Variants in MCFD2 observed in about 807,000 individuals in gnomAD.
MCFD2 encodes the protein multiple coagulation factor deficiency protein 2.
In MCFD2, 11 loss-of-function variants were observed where a neutral mutation model predicts 12.8. The ratio of observed to expected loss-of-function variants is 0.86; its 90% CI spans 0.54 to 1.42. The LOEUF is 1.42. Ranked by LOEUF, MCFD2 falls within the 40% of genes most tolerant of loss-of-function variation. MCFD2 has a pLI of 0.00. For missense variants in MCFD2, 191 were observed against 178.6 expected (o/e 1.07, Z -0.40); for synonymous variants, 70 against 68.1 (o/e 1.03, Z -0.14).
rs573324362 is a variant in MCFD2, at chr2:46,903,915, A to G, written c.*1548T>C. On this transcript the variant is annotated 3_prime_UTR_variant, in exon 4 of 4. Coordinates refer to ENST00000319466, the MANE Select transcript of MCFD2 (RefSeq NM_139279.6). ...ATAAGTAGCAAGGAGCCTAATGTTA[A>G]TCCCCAACACCATGGGGAAAATGTC... The G allele has an allele frequency of 6.6e-6, 1 of 152,270 alleles. No homozygotes were observed. Among genetic ancestry groups the G allele is most frequent in the Admixed American group, 6.5e-5 (1 of 15,302 alleles). 9.4% of individuals were successfully genotyped at this position (152,270 alleles called of 1,614,324 possible).
upstream of MCFD2, chr2:46,916,324 C>T (rs958188706): frequency 3.2e-6 from 1 of 308,816 alleles, no homozygotes; most frequent in Non-Finnish European, 4.7e-6. Flanking sequence ...CTGCCAGCTC[C>T]ACTGCACAAG....
At chr2:46,928,994 C>G (rs1362984370) in intron 1 of MCFD2, among the ~76,000 whole-genome samples, 1 of 151,546 alleles carries the variant, frequency 6.6e-6, no homozygotes, top group Non-Finnish European at 1.5e-5. Flanking sequence ...AAAACTCTGT[C>G]TCTACTAAAA....
chr2:46,909,464 A>G (rs1467414324), intron 1 of MCFD2, among the ~76,000 whole-genome samples: 1 of 151,748 alleles, frequency 6.6e-6, no homozygotes, highest in Non-Finnish European at 1.5e-5. Flanking sequence ...CTTGCCTCCC[A>G]GAAGTTATGG....
upstream of MCFD2, among the ~76,000 whole-genome samples, chr2:46,918,190 C>T (rs1253606622): frequency 6.6e-6 from 1 of 152,182 alleles, no homozygotes; most frequent in Non-Finnish European, 1.5e-5. Flanking sequence ...AAACCTGCAC[C>T]TCTCTCAGTC....
chr2:46,922,818 A>G (rs1483058604), intron 1 of MCFD2, among the ~76,000 whole-genome samples: 2 of 152,108 alleles, frequency 1.3e-5, no homozygotes, highest in African/African-American at 2.4e-5. Flanking sequence ...ATTCAATTCA[A>G]TTCTGATGCC....
chr2:46,920,780 A>T (rs1345205305), upstream of MCFD2, among the ~76,000 whole-genome samples: 1 of 152,082 alleles, frequency 6.6e-6, no homozygotes, highest in Non-Finnish European at 1.5e-5. Context: ...GATGAATTTT[A>T]TGTGGCAAAC....
In MCFD2 at chr2:46,908,870, T is replaced by C. The variant is rs748865416; in HGVS notation, c.149+153A>G. ...TGATGAAAAAAGAATACCTGACTTA[T>C]AGGTGGCAATAAGGAATAAGAATCA... On this transcript the variant is annotated intron_variant, in intron 2 of 3. Coordinates refer to ENST00000319466, the MANE Select transcript of MCFD2 (RefSeq NM_139279.6). The surrounding 1 kb of genome is among the most constrained non-coding windows in gnomAD (Gnocchi z 4.5). 37 of 987,384 alleles carry C rather than the reference T, an allele frequency of 3.7e-5. 1 individual carries two copies. Among genetic ancestry groups the C allele is most frequent in the Non-Finnish European group, 5.5e-5 (35 of 634,422 alleles). The allele number at this position is 987,384 out of a possible 1,614,324, so 61.2% of individuals were successfully genotyped here.
chr2:46,916,346 G>A (rs1668789182), upstream of MCFD2: 1 of 207,212 alleles, frequency 4.8e-6, no homozygotes, highest in Non-Finnish European at 8.4e-6. Flanking sequence ...TGCGGCAGCC[G>A]CTGTCCCCGT....
chr2:46,921,530 C>T (rs1251884898), intron 1 of MCFD2, among the ~76,000 whole-genome samples: 2 of 152,200 alleles, frequency 1.3e-5, no homozygotes, highest in Non-Finnish European at 2.9e-5. Context: ...AGTGTCTACT[C>T]TTTTGTCTCT....
At position 46,907,542 on chromosome 2, in the gene MCFD2, G is replaced by A. The variant is rs953911335; in HGVS notation, c.309+268C>T. 2.0e-5 allele frequency: 9 copies of A among 442,070 alleles called. No homozygotes were observed. Among genetic ancestry groups the A allele is most frequent in the Non-Finnish European group, 3.8e-5 (9 of 237,234 alleles). 27.4% of individuals were successfully genotyped at this position (442,070 alleles called of 1,614,324 possible). A position where few individuals can be genotyped will look rare whatever the true frequency, so the allele number is the denominator to read the frequency against. On this transcript the variant is annotated intron_variant, in intron 3 of 3. Transcript: ENST00000319466. The surrounding 1 kb of genome is among the most constrained non-coding windows in gnomAD (Gnocchi z 4.1). ...TAGAACTACGGGCATGCACTACCAGGCCTGGCTAATTTTTTAATTTTTGTT... is the reference window on the plus strand; with the variant it reads ...TAGAACTACGGGCATGCACTACCAGACCTGGCTAATTTTTTAATTTTTGTT...
chr2:46,933,269 A>C (rs1277310410), intron 1 of MCFD2, among the ~76,000 whole-genome samples: 1 of 152,232 alleles, frequency 6.6e-6, no homozygotes, highest in African/African-American at 2.4e-5. Flanking sequence ...CAGTGCCTGG[A>C]GAGATATTGG....
chr2:46,905,187 G>A lies in MCFD2; in HGVS notation c.*276C>T, dbSNP rs1467137498. On this transcript the variant is annotated 3_prime_UTR_variant, in exon 4 of 4. Coordinates refer to ENST00000319466, the MANE Select transcript of MCFD2 (RefSeq NM_139279.6). ...TCTTTTTCTTCCCAGTCTCGGGTAC[G>A]TCTTTATCAGCAGCATTAATACAGA... The A allele has an allele frequency of 4.9e-5, 21 of 428,338 alleles. No individual in the cohort carries two copies. Among genetic ancestry groups the A allele is most frequent in the South Asian group, 2.2e-4 (10 of 45,146 alleles). 26.5% of individuals were successfully genotyped at this position (428,338 alleles called of 1,614,324 possible).
intron 1 of MCFD2, among the ~76,000 whole-genome samples, chr2:46,926,238 CG>C (rs1413125653): frequency 6.6e-6 from 1 of 152,138 alleles, no homozygotes; most frequent in African/African-American, 2.4e-5. Flanking sequence ...GCTAGATGGT[CG>C]GGGAGACATA....
At chr2:46,935,655 C>CTCCT (rs1164374455) in intron 1 of MCFD2, among the ~76,000 whole-genome samples, 1 of 152,164 alleles carries the variant, frequency 6.6e-6, no homozygotes, top group Admixed American at 6.5e-5. Flanking sequence ...CAACTGAGAC[C>CTCCT]TCCTCAACAC....
intron 1 of MCFD2, among the ~76,000 whole-genome samples, chr2:46,936,414 T>C (rs971723237): frequency 6.6e-6 from 1 of 152,148 alleles, no homozygotes; most frequent in Admixed American, 6.5e-5. Flanking sequence ...ACGTGTCTTA[T>C]TTTGTCTTTA....
At chr2:46,905,628 G>T (rs142146200) in intron 3 of MCFD2, 34 bp from the exon 4 acceptor site, 1 of 1,594,254 alleles carries the variant, frequency 6.3e-7, no homozygotes, top group Non-Finnish European at 8.6e-7. Context: ...GATGAGTTGC[G>T]CATTTTACCG....
chr2:46,939,471 T>A (rs1473440486), intron 1 of MCFD2, among the ~76,000 whole-genome samples: 1 of 152,192 alleles, frequency 6.6e-6, no homozygotes, highest in East Asian at 1.9e-4. Context: ...TGAAGACTGT[T>A]CCTCCCCACA....
At chr2:46,906,533 T>G (rs987138048) in intron 3 of MCFD2, among the ~76,000 whole-genome samples, 2 of 141,232 alleles carry the variant, frequency 1.4e-5, no homozygotes, top group African/African-American at 5.4e-5. Flanking sequence ...TCACCCAGGC[T>G]GGAGTCCAGT....
At chr2:46,921,849 T>C (rs1462819749) in intron 1 of MCFD2, among the ~76,000 whole-genome samples, 2 of 151,984 alleles carry the variant, frequency 1.3e-5, no homozygotes, top group African/African-American at 4.8e-5. Flanking sequence ...CCTGTGAGAA[T>C]CTCATGCCGC....
Sources: allele counts gnomAD v4.1 joint callset (sites outside exome capture counted in the v4.1 genomes callset), GRCh38; gene constraint gnomAD v4.1.1; non-coding constraint Gnocchi (gnomAD v3.1); transcripts MANE v1.5; gene names NCBI Gene and HGNC (gene_info 2026-07-23, HGNC 2026-07-21).